The following BNC1 variants were observed in gnomAD, a reference collection of about 807,000 sequenced individuals.
The protein encoded by BNC1 is zinc finger protein basonuclin-1.
Under a neutral mutation model 66.5 loss-of-function variants are expected in BNC1, and 8 were observed. The ratio of observed to expected loss-of-function variants is 0.12; its 90% CI spans 0.07 to 0.22. The LOEUF is 0.22. Ranked by LOEUF, BNC1 falls within the 10% of genes least tolerant of loss-of-function variation. The pLI, the probability that BNC1 is intolerant of heterozygous loss-of-function variation, is 1.00. For missense variants in BNC1, 1,069 were observed against 1,241.3 expected, an observed-to-expected ratio of 0.86 and a Z score of 2.09; for synonymous variants, 454 against 452.6, an observed-to-expected ratio of 1.00 and a Z score of -0.04.
Position 83,263,420 on chromosome 15 carries a change from G to T in BNC1, c.1831C>A (p.Arg611Ser), listed in dbSNP as rs368320013. Residue 611 changes from arginine (R) to serine (S), a missense_variant, in exon 4 of 5, where the codon CGT becomes AGT. Arg to Ser is a moderately radical substitution (Grantham distance 110). Coordinates refer to ENST00000345382, the MANE Select transcript of BNC1 (RefSeq NM_001717.4). ...CCACTGGACTCAATTACTGATTCAC[G>T]ATGGCAGGGCCTCTCCCCTTCAGGG... ...PFPEGERPCH[R>S]ESVIESSGAI... is the part of the protein sequence containing the mutation. The T allele has an allele frequency of 4.8e-5, 77 of 1,614,050 alleles. No individual in the cohort carries two copies. The highest frequency in any genetic ancestry group is 6.4e-5 in the Non-Finnish European group (75 of 1,180,044).
intron 4 of BNC1, among the ~76,000 whole-genome samples, chr15:83,259,906 A>G (rs918787824): frequency 6.6e-6 from 1 of 152,086 alleles, no homozygotes; most frequent in African/African-American, 2.4e-5. Flanking sequence ...TTTGGTTTCT[A>G]GGACTCTCCT....
chr15:83,268,281 A>G, intron 1 of BNC1, 49 bp from the exon 2 acceptor site: 1 of 1,476,694 alleles, frequency 6.8e-7, no homozygotes, highest in Non-Finnish European at 9.5e-7. Flanking sequence ...GTGATGTGTG[A>G]AACATTCATT....
chr15:83,272,610 C>A (rs1459660818), intron 1 of BNC1, among the ~76,000 whole-genome samples: 1 of 152,038 alleles, frequency 6.6e-6, no homozygotes, highest in Non-Finnish European at 1.5e-5. Context: ...GAAAATAAGA[C>A]CTGCTTTAAC....
rs1356337197 is a variant in BNC1 at position 83,257,942 on chromosome 15, T to G, written c.2485A>C (p.Ser829Arg). The G allele has an allele frequency of 1.2e-6, 2 of 1,614,064 alleles. No individual in the cohort carries two copies. Among genetic ancestry groups the G allele is most frequent in the Non-Finnish European group, 1.7e-6 (2 of 1,180,006 alleles). ...ACTTGCGTTATTGGGTAAACCAGAC[T>G]GCCCATTCGACTTGTTCCTTTGAAG... ...VIFKGTSRMG[S>R]LVYPITQVHS... Residue 829 changes from serine (S) to arginine (R), a missense_variant, in exon 5 of 5, where the codon AGT becomes CGT. Physicochemically the swap from Ser to Arg is moderately radical, Grantham distance 110 (BLOSUM62 -1). Around this residue, in one of 7 missense-constraint regions of BNC1, gnomAD observed 657 missense variants for 715.8 expected, o/e 0.92. Coordinates refer to ENST00000345382, the MANE Select transcript of BNC1 (RefSeq NM_001717.4).
Position 83,264,138 on chromosome 15 carries a change from G to T in BNC1, c.1113C>A (p.Thr371=), listed in dbSNP as rs2038185784. The change falls in exon 4 of 5, where the codon ACC becomes ACA. Residue 371 remains threonine, a synonymous_variant. Coordinates refer to ENST00000345382, the MANE Select transcript of BNC1 (RefSeq NM_001717.4). ...GGACGGCATTGTAGTGGATTTTGAG[G>T]GTGCCTTTGTCATAGAAGGTCTTCT... ...ACEKTFYDKG[T]LKIHYNAVHL... 2 of 1,614,080 alleles carry T rather than the reference G, an allele frequency of 1.2e-6. No homozygotes were observed. Among genetic ancestry groups the T allele is most frequent in the East Asian group, 4.5e-5 (2 of 44,866 alleles).
At chr15:83,262,156 T>C (rs1232063386) in intron 4 of BNC1, among the ~76,000 whole-genome samples, 1 of 151,132 alleles carries the variant, frequency 6.6e-6, no homozygotes, top group Non-Finnish European at 1.5e-5. Context: ...CAAACGTTTC[T>C]CCTGCCTCTG....
At chr15:83,273,063 A>C (rs185411527) in intron 1 of BNC1, among the ~76,000 whole-genome samples, 3 of 152,280 alleles carry the variant, frequency 2.0e-5, no homozygotes, top group East Asian at 3.9e-4. Context: ...TTTCGGGATA[A>C]TTTTAAATAA....
Position 83,263,217 on chromosome 15 carries a change from C to G in BNC1, c.2034G>C (p.Leu678=), listed in dbSNP as rs1456401759. Residue 678 remains leucine, a synonymous_variant, in exon 4 of 5, where the codon CTG becomes CTC. Transcript: ENST00000345382. ...AAGCACTGAAGAGTCCCCCAGCCAG[C>G]AGGCGCTGCTGCAGTTCCATGTAGT... ...FSDYMELQQR[L]LAGGLFSALS... 1 of 1,614,218 alleles carries G rather than the reference C, an allele frequency of 6.2e-7. No individual in the cohort carries two copies. Among genetic ancestry groups the G allele is most frequent in the East Asian group, 2.2e-5 (1 of 44,886 alleles).
At chr15:83,284,022 C>G (rs1160633789) in intron 1 of BNC1, among the ~76,000 whole-genome samples, 1 of 151,838 alleles carries the variant, frequency 6.6e-6, no homozygotes, top group Non-Finnish European at 1.5e-5. Context: ...CCGCGCGCCC[C>G]GTTCTCCAGA....
chr15:83,268,009 A>G (rs2038234386), intron 2 of BNC1, 124 bp downstream of exon 2: 1 of 747,218 alleles, frequency 1.3e-6, no homozygotes, highest in Admixed American at 2.6e-5. Context: ...TACCTGGGAC[A>G]TGCTAGTAAC....
chr15:83,257,664 G>T lies in BNC1; in HGVS notation c.2763C>A (p.Ser921Arg), dbSNP rs753091625. The change falls in exon 5 of 5, where the codon AGC becomes AGA. Residue 921 changes from serine (S) to arginine (R), a missense_variant. By Grantham distance (110) the Ser-to-Arg change is moderately radical (BLOSUM62 -1). Around this residue, in one of 7 missense-constraint regions of BNC1, gnomAD observed 657 missense variants for 715.8 expected, o/e 0.92. Transcript: ENST00000345382. ...LMEKADQSLA[S>R]LPSGLPITCH... ...AGGTTATGGGCAACCCAGAAGGCAG[G>T]CTAGCAAGGCTCTGGTCAGCCTTCT... is the stretch of plus-strand genomic sequence containing the variant. 2 of 1,614,088 alleles carry T rather than the reference G, an allele frequency of 1.2e-6. No homozygotes were observed. Among genetic ancestry groups the T allele is most frequent in the Non-Finnish European group, 1.7e-6 (2 of 1,179,998 alleles).
At position 83,255,894 on chromosome 15, in the gene BNC1, T is replaced by C. The variant is rs1038799172; in HGVS notation, c.*1548A>G. On this transcript the variant is annotated 3_prime_UTR_variant, in exon 5 of 5. Coordinates refer to ENST00000345382, the MANE Select transcript of BNC1 (RefSeq NM_001717.4). Reference sequence around the variant, plus strand: ...CCATTTTTACAAATGTTTGCCTTTTTAAACAAAAGGTGTGCCATATATTTT... The same window carrying C: ...CCATTTTTACAAATGTTTGCCTTTTCAAACAAAAGGTGTGCCATATATTTT... 1.3e-5 allele frequency: 2 copies of C among 152,666 alleles called. No individual in the cohort carries two copies. Among genetic ancestry groups the C allele is most frequent in the Non-Finnish European group, 2.9e-5 (2 of 68,042 alleles). 9.5% of individuals were successfully genotyped at this position (152,666 alleles called of 1,614,324 possible).
intron 4 of BNC1, 59 bp downstream of exon 4, chr15:83,262,892 G>A (rs1311136400): frequency 6.8e-7 from 1 of 1,464,420 alleles, no homozygotes; most frequent in South Asian, 1.4e-5. Context: ...TGATTCTGAT[G>A]CATGTTAAAC....
intron 2 of BNC1, 56 bp from the exon 3 acceptor site, chr15:83,267,127 C>T: frequency 3.5e-6 from 5 of 1,418,780 alleles, no homozygotes; most frequent in Non-Finnish European, 4.9e-6. Flanking sequence ...GTAAGAGAAA[C>T]ACTGCAAAAA....
rs1379955345 is a variant in BNC1 at position 83,263,291 on chromosome 15, G to A, written c.1960C>T (p.His654Tyr). The change falls in exon 4 of 5, where the codon CAT (histidine) becomes TAT (tyrosine). Residue 654 changes from histidine to tyrosine, a missense_variant. Around this residue, in one of 7 missense-constraint regions of BNC1, gnomAD observed 657 missense variants for 715.8 expected, o/e 0.92. Coordinates refer to ENST00000345382, the MANE Select transcript of BNC1 (RefSeq NM_001717.4). ...MVPREVEDGGHEHYFTPGMEP... is the reference protein window; with the variant it reads ...MVPREVEDGGYEHYFTPGMEP... ...ATCCCAGGTGTGAAGTAGTGTTCAT[G>A]GCCACCATCCTCGACCTCCCTTGGC... 3.7e-6 allele frequency: 6 copies of A among 1,614,206 alleles called. No individual in the cohort carries two copies. The East Asian group carries it at 1.3e-4, about 36-fold the overall frequency.
intron 1 of BNC1, among the ~76,000 whole-genome samples, chr15:83,282,876 ACTCT>A (rs920327210): frequency 4.7e-4 from 70 of 150,326 alleles, no homozygotes; most frequent in African/African-American, 1.6e-3. Flanking sequence ...TCACACACAC[ACTCT>A]CTCTCTCCCT....
rs774554318 is a variant in BNC1 at position 83,263,739 on chromosome 15, C to T, written c.1512G>A (p.Thr504=). The T allele has an allele frequency of 2.4e-5, 39 of 1,614,048 alleles. No homozygotes were observed. Among genetic ancestry groups the T allele is most frequent in the South Asian group, 2.0e-4 (18 of 91,086 alleles). ...GCGGGAGGGAAGGGAGTATCCCAGG[C>T]GTGTTTGCTACCTCGGCAGGCGTGG... ...SPATPAEVAN[T]PGILPSLPLL... Residue 504 remains threonine, a synonymous_variant, in exon 4 of 5, where the codon ACG becomes ACA. Transcript: ENST00000345382.
At chr15:83,268,073 T>C (rs1426820079) in intron 2 of BNC1, 60 bp downstream of exon 2, 1 of 1,387,484 alleles carries the variant, frequency 7.2e-7, no homozygotes, top group Non-Finnish European at 1.0e-6. Flanking sequence ...AGTTCCTGAA[T>C]AACTCTAAGT....
Position 83,283,229 on chromosome 15 carries a change from C to A in BNC1, c.99+1301G>T, listed in dbSNP as rs888983527. The stretch of plus-strand genomic sequence containing the variant: ...ACACCGCATTTGTGAAAGTTTGGCT[C>A]GGAGCTACGCGCTGATTAATATCAG... On this transcript the variant is annotated intron_variant, in intron 1 of 4. Coordinates refer to ENST00000345382, the MANE Select transcript of BNC1 (RefSeq NM_001717.4). 3 of 1,535,558 alleles carry A rather than the reference C, an allele frequency of 2.0e-6. No individual in the cohort carries two copies. In the African/African-American group the frequency reaches 4.1e-5, roughly 21 times the overall value.
Sources: gnomAD v4.1 joint callset for allele counts (sites outside exome capture counted in the v4.1 genomes callset) on GRCh38, gnomAD v4.1.1 for gene constraint, gnomAD v4.1.1 regional missense constraint, MANE v1.5 for transcripts, NCBI Gene and HGNC (gene_info 2026-07-23, HGNC 2026-07-21) for gene names.